The following EPGN variants were observed in gnomAD, a reference collection of about 807,000 sequenced individuals.
EPGN encodes the protein epigen.
A neutral mutation model predicts 20.7 loss-of-function variants in EPGN; 21 were observed. The ratio of observed to expected loss-of-function variants is 1.01; its 90% CI spans 0.72 to 1.46. The LOEUF (loss-of-function observed/expected upper bound fraction) is 1.46. Among genes scored for constraint, EPGN ranks in the 40% most tolerant of loss-of-function variants. The pLI, the probability that EPGN is intolerant of heterozygous loss-of-function variation, is 0.00. For synonymous variants in EPGN, 69 were observed against 63.8 expected (o/e 1.08, Z -0.39); for missense variants, 199 against 180.7 (o/e 1.10, Z -0.58).
chr4:74,309,703 T>C (rs907619252), intron 2 of EPGN, among the ~76,000 whole-genome samples: 1 of 152,186 alleles, frequency 6.6e-6, no homozygotes, highest in Non-Finnish European at 1.5e-5. Context: ...TTGTTGTTGA[T>C]GGTAATGATA....
At chr4:74,311,701 A>C (rs906276601) in intron 2 of EPGN, among the ~76,000 whole-genome samples, 1 of 152,238 alleles carries the variant, frequency 6.6e-6, no homozygotes, top group Non-Finnish European at 1.5e-5. Flanking sequence ...TCTTTTGTAC[A>C]TCAGAGAGAA....
At chr4:74,310,871 A>C (rs1054037672) in intron 2 of EPGN, among the ~76,000 whole-genome samples, 1 of 152,180 alleles carries the variant, frequency 6.6e-6, no homozygotes, top group Non-Finnish European at 1.5e-5. Flanking sequence ...TTGTTTAGGG[A>C]ATAATGACAA....
At chr4:74,313,543 G>A (rs975533383) in intron 4 of EPGN, 14 of 1,071,004 alleles carry the variant, frequency 1.3e-5, no homozygotes, top group Admixed American at 5.1e-5. Context: ...CACACACTGA[G>A]TAAATATTTG....
chr4:74,314,598 G>A lies in EPGN; in HGVS notation c.426G>A (p.Ser142=), dbSNP rs577299609. Residue 142 remains serine, a synonymous_variant, in exon 5 of 5, where the codon TCG becomes TCA. Transcript: ENST00000413830. ...GTTTCAGGTGTCTAAAATTGAAATC[G>A]CCTTACAATGTCTGTTCTGGAGAAA... ...YIRKRCLKLK[S]PYNVCSGERR... 11 of 1,535,972 alleles carry A rather than the reference G, an allele frequency of 7.2e-6. No homozygotes were observed. The highest frequency in any genetic ancestry group is 5.9e-5 in the South Asian group (5 of 84,052).
chr4:74,312,080 C>G (rs1467956214), intron 2 of EPGN, 105 bp from the exon 3 acceptor site: 6 of 1,301,208 alleles, frequency 4.6e-6, no homozygotes, highest in Non-Finnish European at 6.2e-6. Flanking sequence ...CACAGCACCA[C>G]CCCCAAATAT....
In EPGN at chr4:74,316,029, C is replaced by T. The variant is rs1484648340; in HGVS notation, c.*1392C>T. ...TTAATTCAAACAGTCATATGCAGGTCGCTTAATTTATTTGTGCTTTTGTTT... is the reference window on the plus strand; with the variant it reads ...TTAATTCAAACAGTCATATGCAGGTTGCTTAATTTATTTGTGCTTTTGTTT... On this transcript the variant is annotated 3_prime_UTR_variant, in exon 5 of 5. Coordinates refer to ENST00000413830, the MANE Select transcript of EPGN (RefSeq NM_001270989.2). 3.3e-5 allele frequency among the ~76,000 whole-genome samples: 5 copies of T among 151,458 alleles called. No homozygotes were observed. The highest frequency in any genetic ancestry group is 2.1e-4 in the South Asian group (1 of 4,804).
At chr4:74,314,490 G>A (rs552622544) in intron 4 of EPGN, 90 bp from the exon 5 acceptor site, 267 of 1,317,896 alleles carry the variant, frequency 2.0e-4, no homozygotes, top group Middle Eastern at 1.6e-3. Context: ...GGGACACCAA[G>A]AGCAACTGCT....
intron 3 of EPGN, 31 bp downstream of exon 3, chr4:74,312,336 G>C (rs751869673): frequency 1.9e-6 from 3 of 1,594,724 alleles, no homozygotes; most frequent in Admixed American, 1.8e-5. Flanking sequence ...AAGTCCTAGA[G>C]ACAGGAGATG....
chr4:74,313,175 G>A lies in EPGN; in HGVS notation c.407+5G>A, dbSNP rs756704757. ...TTACTGCTATATAAGAAAGAGGTAT[G>A]AAAAAGACAAAATATGAAGTCACTT... is the stretch of plus-strand genomic sequence containing the variant. On this transcript the variant is annotated splice_donor_5th_base_variant and intron_variant, in intron 4 of 4. Coordinates refer to ENST00000413830, the MANE Select transcript of EPGN (RefSeq NM_001270989.2). The A allele has an allele frequency of 2.2e-5, 36 of 1,606,224 alleles. 1 individual carries two copies. The highest frequency in any genetic ancestry group is 2.5e-5 in the Non-Finnish European group (29 of 1,178,246).
Position 74,309,184 on chromosome 4 carries a change from T to C in EPGN, c.133+2T>C, listed in dbSNP as rs758547875. On this transcript the variant is annotated splice_donor_variant, in intron 2 of 4. Transcript: ENST00000413830. LOFTEE classifies it high-confidence loss of function. Reference sequence around the variant, plus strand: ...ACTGGACAGTTAACAAAACAGAAGGTATTTTCTTCCCATTTTCATATTTCA... The same window carrying C: ...ACTGGACAGTTAACAAAACAGAAGGCATTTTCTTCCCATTTTCATATTTCA... The C allele has an allele frequency of 1.6e-5, 26 of 1,609,890 alleles. No individual in the cohort carries two copies. Among genetic ancestry groups the C allele is most frequent in the Non-Finnish European group, 2.2e-5 (26 of 1,177,596 alleles).
At chr4:74,312,429 C>G (rs1751022835) in intron 3 of EPGN, 124 bp downstream of exon 3, 1 of 1,040,014 alleles carries the variant, frequency 9.6e-7, no homozygotes, top group Admixed American at 2.8e-5. Context: ...CTGAACATGA[C>G]TTGACAGGCC....
Position 74,314,759 on chromosome 4 carries a change from A to C in EPGN, c.*122A>C. The C allele has an allele frequency of 1.1e-6, 1 of 915,556 alleles. No individual in the cohort carries two copies. The highest frequency in any genetic ancestry group is 1.6e-5 in the South Asian group (1 of 62,142). The allele number at this position is 915,556 out of a possible 1,614,324, so 56.7% of individuals were successfully genotyped here. A position where few individuals can be genotyped will look rare whatever the true frequency, so the allele number is the denominator to read the frequency against. On this transcript the variant is annotated 3_prime_UTR_variant, in exon 5 of 5. Coordinates refer to ENST00000413830, the MANE Select transcript of EPGN (RefSeq NM_001270989.2). ...AGACTCGAAAATAATGAAAGTTGGG[A>C]TCACAATGAAATGAGAAGATAAAAT...
chr4:74,314,533 A>G (rs1751171706), intron 4 of EPGN, 47 bp from the exon 5 acceptor site: 3 of 1,524,556 alleles, frequency 2.0e-6, no homozygotes, highest in African/African-American at 2.7e-5. Context: ...TCAATGACCT[A>G]TATGAACCAC....
intron 1 of EPGN, 28 bp from the exon 2 acceptor site, chr4:74,309,065 T>C: frequency 6.4e-7 from 1 of 1,566,910 alleles, no homozygotes; most frequent in Non-Finnish European, 8.8e-7. Context: ...GGCTCTCTGT[T>C]AAAGATGCTT....
chr4:74,314,608 G>C lies in EPGN; in HGVS notation c.436G>C (p.Val146Leu), dbSNP rs544641356. The C allele has an allele frequency of 1.3e-6, 2 of 1,536,072 alleles. No homozygotes were observed. Among genetic ancestry groups the C allele is most frequent in the African/African-American group, 2.7e-5 (2 of 73,168 alleles). ...RCLKLKSPYN[V>L]CSGERRPL ...TCTAAAATTGAAATCGCCTTACAATGTCTGTTCTGGAGAAAGACGACCACT... is the reference window on the plus strand; with the variant it reads ...TCTAAAATTGAAATCGCCTTACAATCTCTGTTCTGGAGAAAGACGACCACT... Residue 146 changes from valine to leucine, a missense_variant, in exon 5 of 5, where the codon GTC (valine) becomes CTC (leucine). Coordinates refer to ENST00000413830, the MANE Select transcript of EPGN (RefSeq NM_001270989.2).
chr4:74,314,282 C>G, intron 4 of EPGN: 1 of 508,494 alleles, frequency 2.0e-6, no homozygotes, highest in Non-Finnish European at 3.7e-6. Flanking sequence ...GATGAGGCAT[C>G]TGGATTTCAA....
Position 74,312,258 on chromosome 4 carries a change from C to G in EPGN, c.207C>G (p.Ile69Met), listed in dbSNP as rs368486590. 1.2e-5 allele frequency: 19 copies of G among 1,613,270 alleles called. No homozygotes were observed. Among genetic ancestry groups the G allele is most frequent in the Non-Finnish European group, 1.6e-5 (19 of 1,179,612 alleles). Residue 69 changes from isoleucine (I) to methionine (M), a missense_variant, in exon 3 of 5, where the codon ATC becomes ATG. Coordinates refer to ENST00000413830, the MANE Select transcript of EPGN (RefSeq NM_001270989.2). ...TGGAAGATCATAACAGTTACTGCAT[C>G]AACGGTGCTTGTGCATTCCACCATG... ...LCLEDHNSYC[I>M]NGACAFHHEL... is the part of the protein sequence containing the mutation.
At chr4:74,314,531 C>A in intron 4 of EPGN, 49 bp from the exon 5 acceptor site, 1 of 1,517,316 alleles carries the variant, frequency 6.6e-7, no homozygotes, top group Non-Finnish European at 8.8e-7. Flanking sequence ...CTTCAATGAC[C>A]TATATGAACC....
At chr4:74,313,412 T>C in intron 4 of EPGN, 1 of 1,342,152 alleles carries the variant, frequency 7.5e-7, no homozygotes, top group Admixed American at 3.7e-5. Context: ...CTTCAACCTA[T>C]CTCTGTCTGC....
Sources: allele counts gnomAD v4.1 joint callset (sites outside exome capture counted in the v4.1 genomes callset), GRCh38; gene constraint gnomAD v4.1.1; transcripts MANE v1.5; gene names NCBI Gene and HGNC (gene_info 2026-07-23, HGNC 2026-07-21).